The following PPP2R1B variants were observed in gnomAD, a reference collection of about 807,000 sequenced individuals.
The protein encoded by PPP2R1B is protein phosphatase 2 scaffold subunit Abeta.
A neutral mutation model predicts 72.7 loss-of-function variants in PPP2R1B; 58 were observed. That is an observed-to-expected ratio of 0.80 (90% CI 0.65 to 0.99). The LOEUF is 0.99. PPP2R1B is among the 50% of genes least tolerant of loss of function. The pLI is 0.00. For missense variants in PPP2R1B, 695 were observed against 733.6 expected (o/e 0.95, Z 0.61); for synonymous variants, 256 against 264.6 (o/e 0.97, Z 0.32).
At chr11:111,689,966 TTG>T in the PPP2R1B span, among the ~76,000 whole-genome samples, 4 of 143,136 alleles carry the variant, frequency 2.8e-5, no homozygotes, top group Admixed American at 6.9e-5. Context: ...TTATATTCAT[TTG>T]TGTGTGTGTG....
the PPP2R1B span, among the ~76,000 whole-genome samples, chr11:111,715,730 T>C: frequency 6.6e-6 from 1 of 151,722 alleles, no homozygotes; most frequent in African/African-American, 2.4e-5. Context: ...CTACTTCAAG[T>C]ATCTCTTTTT....
downstream of PPP2R1B, chr11:111,723,473 T>G: frequency 6.4e-7 from 1 of 1,558,646 alleles, no homozygotes; most frequent in Non-Finnish European, 8.7e-7. Flanking sequence ...TTAAAATTCT[T>G]TCCTTTGATA....
rs1315015244 is a variant in PPP2R1B, at chr11:111,740,757, G to T, written c.*839C>A. The T allele has an allele frequency of 4.1e-6, 4 of 985,288 alleles. No homozygotes were observed. In the Admixed American group the frequency reaches 2.5e-4, roughly 61 times the overall value. The allele number at this position is 985,288 out of a possible 1,614,324, so 61.0% of individuals were successfully genotyped here. A position where few individuals can be genotyped will look rare whatever the true frequency, so the allele number is the denominator to read the frequency against. ...GAGCCAGGTAAAGAACAGGAAATCT[G>T]CACAGTATTATCCCTGTGGTTCTTA... On this transcript the variant is annotated 3_prime_UTR_variant, in exon 15 of 15. Transcript: ENST00000527614.
chr11:111,712,367 A>G, the PPP2R1B span: 2 of 1,613,532 alleles, frequency 1.2e-6, no homozygotes, highest in Non-Finnish European at 1.7e-6. Flanking sequence ...GTGTGTGGAC[A>G]CTCCAAAGGT....
intron 15 of PPP2R1B, chr11:111,730,092 A>G (rs2136003288): frequency 6.6e-6 from 1 of 152,382 alleles, no homozygotes; most frequent in Middle Eastern, 3.4e-3. Context: ...ATCAACTAGA[A>G]GTGCTTATTA....
intron 1 of PPP2R1B, chr11:111,766,042 A>C (rs1199238885): frequency 3.3e-6 from 2 of 607,712 alleles, no homozygotes; most frequent in African/African-American, 3.7e-5. Context: ...AGGGGGTCCG[A>C]AGCAAGGTTA....
chr11:111,735,972 C>G (rs1453400319), downstream of PPP2R1B, among the ~76,000 whole-genome samples: 1 of 152,140 alleles, frequency 6.6e-6, no homozygotes, highest in Non-Finnish European at 1.5e-5. Flanking sequence ...GAAACAAATG[C>G]ATGGAAGGCT....
the PPP2R1B span, among the ~76,000 whole-genome samples, chr11:111,694,163 A>G: frequency 3.3e-5 from 5 of 152,200 alleles, no homozygotes; most frequent in South Asian, 2.1e-4. Context: ...TTTGTATTCA[A>G]TGTATAATTG....
chr11:111,711,416 T>G, the PPP2R1B span, among the ~76,000 whole-genome samples: 2 of 152,326 alleles, frequency 1.3e-5, no homozygotes, highest in Non-Finnish European at 2.9e-5. Flanking sequence ...CCACCGCGCC[T>G]GGCCTTAAAT....
chr11:111,696,509 A>G, the PPP2R1B span, among the ~76,000 whole-genome samples: 69 of 152,338 alleles, frequency 4.5e-4, no homozygotes, highest in Non-Finnish European at 1.3e-4. Flanking sequence ...TTTTGTTTAT[A>G]ATAGCAAGCA....
chr11:111,715,726 C>G, the PPP2R1B span, among the ~76,000 whole-genome samples: 2 of 148,510 alleles, frequency 1.3e-5, no homozygotes, highest in Non-Finnish European at 3.0e-5. Flanking sequence ...AAATCTACTT[C>G]AAGTATCTCT....
chr11:111,732,163 C>A (rs1944213258), intron 15 of PPP2R1B, among the ~76,000 whole-genome samples: 1 of 152,230 alleles, frequency 6.6e-6, no homozygotes, highest in Non-Finnish European at 1.5e-5. Flanking sequence ...CAGGTGGGAA[C>A]AGGGCCCAAG....
chr11:111,715,572 G>A, the PPP2R1B span, among the ~76,000 whole-genome samples: 7 of 152,062 alleles, frequency 4.6e-5, no homozygotes, highest in Non-Finnish European at 1.5e-5. Flanking sequence ...ACTTTGGTTT[G>A]CAGTTTCAAA....
At chr11:111,721,950 TCTC>T (rs749218575), downstream of PPP2R1B, 100 of 1,568,828 alleles carry the variant, frequency 6.4e-5, 1 homozygote, top group Non-Finnish European at 8.2e-5. Flanking sequence ...GGTGGGTCCT[TCTC>T]CTTGCGAGTC....
At chr11:111,706,687 C>T in the PPP2R1B span, among the ~76,000 whole-genome samples, 3 of 151,930 alleles carry the variant, frequency 2.0e-5, no homozygotes, top group Admixed American at 2.0e-4. Flanking sequence ...ATTGGCTGGG[C>T]GTGGTGGCTC....
the PPP2R1B span, chr11:111,719,993 G>A: frequency 6.2e-7 from 1 of 1,613,558 alleles, no homozygotes. Flanking sequence ...TGGTCGTGAT[G>A]CCTGGGGCAG....
intron 7 of PPP2R1B, among the ~76,000 whole-genome samples, 189 bp from the exon 8 acceptor site, chr11:111,754,758 C>A (rs1945039223): frequency 6.6e-6 from 1 of 151,996 alleles, no homozygotes; most frequent in South Asian, 2.1e-4. Flanking sequence ...ACCAATCCAA[C>A]CTGAAAGGCA....
At chr11:111,701,362 T>C in the PPP2R1B span, 3 of 1,486,720 alleles carry the variant, frequency 2.0e-6, no homozygotes, top group East Asian at 4.6e-5. This position sits in a 1 kb window ranked among gnomAD's most constrained non-coding sequence, Gnocchi z 4.2. Flanking sequence ...TTTCAGTCCA[T>C]ATGATTTCAA....
At chr11:111,733,561 G>A (rs1011365728), downstream of PPP2R1B, among the ~76,000 whole-genome samples, 5 of 152,286 alleles carry the variant, frequency 3.3e-5, no homozygotes, top group African/African-American at 1.2e-4. Flanking sequence ...GAGTGGGGCT[G>A]ACTGACAAAT....
Sources: allele counts gnomAD v4.1 joint callset (sites outside exome capture counted in the v4.1 genomes callset), GRCh38; gene constraint gnomAD v4.1.1; non-coding constraint Gnocchi (gnomAD v3.1); transcripts MANE v1.5; gene names NCBI Gene and HGNC (gene_info 2026-07-23, HGNC 2026-07-21).